CPNE1: variants seen among roughly 807,000 people sequenced by gnomAD.
The protein encoded by CPNE1 is copine-1.
In CPNE1, 58 loss-of-function variants were observed where a neutral mutation model predicts 63.2. That is an observed-to-expected ratio of 0.92 (90% CI 0.74 to 1.14). The LOEUF (loss-of-function observed/expected upper bound fraction) is 1.14, where lower values mean the gene tolerates loss of function less well. Ranked by LOEUF, CPNE1 falls within the 50% of genes most tolerant of loss-of-function variation. The pLI is 0.00. For missense variants in CPNE1, 672 were observed against 661.7 expected, an observed-to-expected ratio of 1.02 and a Z score of -0.17; for synonymous variants, 237 against 249.0, an observed-to-expected ratio of 0.95 and a Z score of 0.45.
At chr20:35,626,949 A>C (rs2031787600) in intron 14 of CPNE1, 146 bp from the exon 15 acceptor site, 2 of 713,666 alleles carry the variant, frequency 2.8e-6, no homozygotes, top group Admixed American at 2.1e-5. Flanking sequence ...GCACTTTGGG[A>C]GGCTAAGGCA....
rs1221314589 is a variant in CPNE1 at position 35,631,979 on chromosome 20, C to A, written c.503G>T (p.Gly168Val). 6.2e-7 allele frequency: 1 copy of A among 1,614,138 alleles called. No individual in the cohort carries two copies. The highest frequency in any genetic ancestry group is 1.1e-5 in the South Asian group (1 of 91,082). ...SDPFLEFFRQ[G>V]DGKWHLVYRS... ...GTACACCAGGTGCCATTTCCCATCA[C>A]CCTGGCGGAAGAACTCCAGAAATGG... is the stretch of plus-strand genomic sequence containing the variant. The change falls in exon 6 of 16, where the codon GGT (glycine) becomes GTT (valine). Residue 168 changes from glycine to valine, a missense_variant. Transcript: ENST00000397443.
At chr20:35,659,151 A>G (rs906312639) in intron 1 of CPNE1, 23 of 464,886 alleles carry the variant, frequency 4.9e-5, no homozygotes, top group African/African-American at 4.6e-4. Flanking sequence ...AAAAAAAAAA[A>G]AAAAGAAAGA....
intron 1 of CPNE1, chr20:35,654,119 G>A: frequency 1.1e-5 from 17 of 1,614,204 alleles, no homozygotes; most frequent in Non-Finnish European, 1.4e-5. Flanking sequence ...GGAGGGGGAT[G>A]AGTTTGTCCA....
intron 1 of CPNE1, chr20:35,652,734 C>T (rs1402869467): frequency 1.9e-6 from 3 of 1,613,912 alleles, no homozygotes; most frequent in Non-Finnish European, 2.5e-6. Flanking sequence ...CAGTAAAGGG[C>T]ATGTTTTGCA....
At chr20:35,654,231 T>C (rs748616264) in intron 1 of CPNE1, 2 of 1,614,132 alleles carry the variant, frequency 1.2e-6, no homozygotes, top group Non-Finnish European at 1.7e-6. Flanking sequence ...TCATCAGCAT[T>C]CTGTTTCGTT....
chr20:35,628,087 C>T (rs2031877129), intron 13 of CPNE1, among the ~76,000 whole-genome samples: 4 of 151,832 alleles, frequency 2.6e-5, no homozygotes, highest in Admixed American at 2.0e-4. Context: ...TGAGACCATC[C>T]CAGCTAACAC....
intron 13 of CPNE1, among the ~76,000 whole-genome samples, chr20:35,628,938 T>C (rs560509078): frequency 7.9e-5 from 12 of 152,322 alleles, no homozygotes; most frequent in East Asian, 1.9e-4. Flanking sequence ...GGTAGGGCCA[T>C]AGAAGCAAAC....
intron 1 of CPNE1, chr20:35,655,085 G>A: frequency 6.2e-7 from 1 of 1,614,118 alleles, no homozygotes; most frequent in Non-Finnish European, 8.5e-7. Context: ...ATCATATTCT[G>A]CATTTCCGTC....
intron 4 of CPNE1, 30 bp from the exon 5 acceptor site, chr20:35,632,264 A>G: frequency 6.2e-7 from 1 of 1,612,028 alleles, no homozygotes; most frequent in East Asian, 2.2e-5. Context: ...TCACCTCATG[A>G]ATTCATTGAT....
chr20:35,659,579 G>A (rs2034117044), intron 1 of CPNE1, among the ~76,000 whole-genome samples: 1 of 152,098 alleles, frequency 6.6e-6, no homozygotes, highest in Non-Finnish European at 1.5e-5. Flanking sequence ...AATTCCACTG[G>A]AGCTCAAAAT....
intron 13 of CPNE1, among the ~76,000 whole-genome samples, chr20:35,628,182 G>C (rs1219793767): frequency 6.6e-6 from 1 of 152,114 alleles, no homozygotes; most frequent in African/African-American, 2.4e-5. Flanking sequence ...CTACTCGGGA[G>C]GCTGAGGCAG....
chr20:35,633,098 G>A (rs1219306402), intron 1 of CPNE1, among the ~76,000 whole-genome samples, 175 bp from the exon 2 acceptor site: 3 of 152,030 alleles, frequency 2.0e-5, no homozygotes, highest in Admixed American at 6.6e-5. Context: ...TCCACCCCTA[G>A]GTGAGCTCAC....
Position 35,632,542 on chromosome 20 carries a change from C to A in CPNE1, c.284G>T (p.Gly95Val). The part of the protein sequence containing the change: ...TPELRDDDFL[G>V]GAECSLGQIV... ...CTGTCCTAGGGAACACTCAGCACCCCCTAGGAAGTCATCATCCCTCAGCTC... is the reference window on the plus strand; with the variant it reads ...CTGTCCTAGGGAACACTCAGCACCCACTAGGAAGTCATCATCCCTCAGCTC... Residue 95 changes from glycine to valine, a missense_variant, in exon 3 of 16, where the codon GGG becomes GTG. By Grantham distance (109) the Gly-to-Val change is moderately radical. Transcript: ENST00000397443. 2 of 1,613,800 alleles carry A rather than the reference C, an allele frequency of 1.2e-6. No individual in the cohort carries two copies. The highest frequency in any genetic ancestry group is 2.2e-5 in the South Asian group (2 of 91,078).
intron 1 of CPNE1, chr20:35,651,741 C>G (rs1040694): frequency 6.6e-6 from 1 of 152,590 alleles, no homozygotes; most frequent in South Asian, 2.1e-4. Context: ...TAACCTAAAT[C>G]GTGGCGGTCA....
At chr20:35,626,918 T>C (rs1300109979) in intron 14 of CPNE1, 115 bp from the exon 15 acceptor site, 5 of 879,596 alleles carry the variant, frequency 5.7e-6, no homozygotes, top group East Asian at 4.9e-5. Flanking sequence ...CCGGGTGCGA[T>C]GGCTCACACC....
intron 1 of CPNE1, among the ~76,000 whole-genome samples, chr20:35,639,275 T>C (rs1014894147): frequency 5.9e-5 from 9 of 152,190 alleles, no homozygotes; most frequent in Admixed American, 1.3e-4. Context: ...ATGGCGGATA[T>C]ATGGGTATAA....
At chr20:35,628,704 G>A (rs1324689459) in intron 13 of CPNE1, among the ~76,000 whole-genome samples, 1 of 152,226 alleles carries the variant, frequency 6.6e-6, no homozygotes, top group African/African-American at 2.4e-5. Context: ...AAAGATATGT[G>A]CTAACTGAAC....
intron 14 of CPNE1, among the ~76,000 whole-genome samples, chr20:35,627,017 G>A (rs1255307553): frequency 6.6e-6 from 1 of 151,656 alleles, no homozygotes; most frequent in South Asian, 2.1e-4. Flanking sequence ...GTGAAAGCCC[G>A]TCTCTACTAA....
At chr20:35,631,846 AC>A (rs781283297) in intron 6 of CPNE1, 69 bp from the exon 7 acceptor site, 108 of 1,538,460 alleles carry the variant, frequency 7.0e-5, no homozygotes, top group Non-Finnish European at 9.7e-5. Context: ...ACACTTCTCT[AC>A]CCACCTGCAG....
Sources: gnomAD v4.1 joint callset for allele counts (sites outside exome capture counted in the v4.1 genomes callset) on GRCh38, gnomAD v4.1.1 for gene constraint, MANE v1.5 for transcripts, NCBI Gene and HGNC (gene_info 2026-07-23, HGNC 2026-07-21) for gene names.